PTPRD: variants seen among roughly 807,000 people sequenced by gnomAD.
PTPRD encodes receptor-type tyrosine-protein phosphatase delta.
A neutral mutation model predicts 214.5 loss-of-function variants in PTPRD; 34 were observed. That is an observed-to-expected ratio of 0.16 (90% confidence interval 0.12 to 0.21). The LOEUF (loss-of-function observed/expected upper bound fraction) is 0.21, where lower values mean the gene tolerates loss of function less well. Among genes scored for constraint, PTPRD ranks in the 10% least tolerant of loss-of-function variants. The pLI is 1.00. For synonymous variants in PTPRD, 1,128 were observed against 845.7 expected, an observed-to-expected ratio of 1.33 and a Z score of -5.79; for missense variants, 2,545 against 2,398.7, an observed-to-expected ratio of 1.06 and a Z score of -1.27.
intron 10 of PTPRD, among the ~76,000 whole-genome samples, chr9:9,079,889 G>T (rs2099756567): frequency 6.6e-6 from 1 of 152,044 alleles, no homozygotes; most frequent in Non-Finnish European, 1.5e-5. Flanking sequence ...ATACATTGGT[G>T]ATGATGTGTT....
chr9:8,728,216 C>A (rs2154429894), intron 12 of PTPRD, among the ~76,000 whole-genome samples: 1 of 152,254 alleles, frequency 6.6e-6, no homozygotes, highest in East Asian at 1.9e-4. Context: ...TGCCATTGCA[C>A]CCCAGCCTGG....
chr9:9,229,088 C>T (rs188723239), intron 9 of PTPRD, among the ~76,000 whole-genome samples: 147 of 152,136 alleles, frequency 9.7e-4, no homozygotes, highest in African/African-American at 3.3e-3. Flanking sequence ...CTTTTTGTTT[C>T]CCTGTAACAT....
intron 3 of PTPRD, among the ~76,000 whole-genome samples, chr9:10,210,626 G>C (rs2498594): frequency 0.87 from 130,608 of 150,254 alleles, 56,815 homozygotes; most frequent in Admixed American, 0.92. Flanking sequence ...ATGTTAACAT[G>C]TAATCTGTAT....
intron 5 of PTPRD, among the ~76,000 whole-genome samples, chr9:9,888,211 G>A (rs935125223): frequency 6.6e-6 from 1 of 152,160 alleles, no homozygotes; most frequent in Non-Finnish European, 1.5e-5. Flanking sequence ...ATGTTATGGA[G>A]GAATCTGTCA....
At chr9:8,585,731 G>T (rs2093601817) in intron 14 of PTPRD, among the ~76,000 whole-genome samples, 1 of 152,146 alleles carries the variant, frequency 6.6e-6, no homozygotes, top group African/African-American at 2.4e-5. Flanking sequence ...TTATTTTTCT[G>T]AGTGAAATTT....
At chr9:8,783,778 T>G (rs980014364) in intron 11 of PTPRD, among the ~76,000 whole-genome samples, 1 of 152,150 alleles carries the variant, frequency 6.6e-6, no homozygotes, top group Non-Finnish European at 1.5e-5. Flanking sequence ...TTCAACTGTA[T>G]TTTATTCCTT....
At chr9:10,598,702 GTGGTGT>G (rs1360623624) in intron 2 of PTPRD, among the ~76,000 whole-genome samples, 2 of 84,820 alleles carry the variant, frequency 2.4e-5, no homozygotes, top group Non-Finnish European at 4.9e-5. Context: ...GTGTGTGTGT[GTGGTGT>G]GTGGTGTGTG....
intron 22 of PTPRD, among the ~76,000 whole-genome samples, chr9:8,505,779 C>G (rs573930129): frequency 6.6e-6 from 1 of 152,022 alleles, no homozygotes; most frequent in Non-Finnish European, 1.5e-5. Flanking sequence ...CCTAAATAAG[C>G]AATTGTGGAG....
chr9:10,083,273 C>T (rs1245462739), intron 3 of PTPRD, among the ~76,000 whole-genome samples: 10 of 151,882 alleles, frequency 6.6e-5, no homozygotes, highest in Admixed American at 6.6e-5. Context: ...ATATTAAATT[C>T]GGTCTCCATT....
intron 12 of PTPRD, among the ~76,000 whole-genome samples, chr9:8,674,753 G>A (rs903767582): frequency 6.6e-6 from 1 of 152,010 alleles, no homozygotes; most frequent in Non-Finnish European, 1.5e-5. Flanking sequence ...ATTCAGAGAG[G>A]AAAAAAATGC....
At chr9:8,424,831 G>C (rs2094560519) in intron 35 of PTPRD, among the ~76,000 whole-genome samples, 1 of 152,136 alleles carries the variant, frequency 6.6e-6, no homozygotes, top group Non-Finnish European at 1.5e-5. Context: ...CTGCTGTTAA[G>C]GAAATTTTTT....
chr9:8,630,915 G>C (rs749924549), intron 14 of PTPRD, among the ~76,000 whole-genome samples: 1 of 151,888 alleles, frequency 6.6e-6, no homozygotes, highest in Non-Finnish European at 1.5e-5. Flanking sequence ...TCCTTTTAAG[G>C]AGTTCAAGGG....
chr9:8,662,000 T>C (rs1290034435), intron 12 of PTPRD, among the ~76,000 whole-genome samples: 2 of 152,206 alleles, frequency 1.3e-5, no homozygotes, highest in African/African-American at 2.4e-5. Context: ...CAGGCTGGTC[T>C]TAAACCTCCG....
intron 2 of PTPRD, among the ~76,000 whole-genome samples, chr9:10,567,409 C>T (rs1318994845): frequency 6.6e-6 from 1 of 152,004 alleles, no homozygotes; most frequent in Non-Finnish European, 1.5e-5. Flanking sequence ...TATAAAACTT[C>T]TATTTCCTTA....
intron 3 of PTPRD, among the ~76,000 whole-genome samples, chr9:10,060,553 T>C (rs1383553979): frequency 2.0e-5 from 3 of 151,978 alleles, no homozygotes; most frequent in African/African-American, 4.8e-5. Flanking sequence ...ATGACAGAAA[T>C]GTGTCAAAGT....
intron 10 of PTPRD, among the ~76,000 whole-genome samples, chr9:9,096,116 A>G (rs1010144906): frequency 6.6e-6 from 1 of 152,222 alleles, no homozygotes; most frequent in Non-Finnish European, 1.5e-5. Context: ...GATACAAAGT[A>G]GCAGATATGT....
At chr9:10,060,158 G>T (rs1226337724) in intron 3 of PTPRD, among the ~76,000 whole-genome samples, 2 of 151,976 alleles carry the variant, frequency 1.3e-5, no homozygotes, top group Non-Finnish European at 2.9e-5. Context: ...TCCTAAAGTG[G>T]CCTTAAACTT....
At chr9:10,462,398 T>C (rs2098965557) in intron 2 of PTPRD, among the ~76,000 whole-genome samples, 1 of 152,142 alleles carries the variant, frequency 6.6e-6, no homozygotes, top group South Asian at 2.1e-4. Context: ...TACACTTAAA[T>C]GATGGTAAAA....
At chr9:8,598,409 C>T (rs1416751053) in intron 14 of PTPRD, among the ~76,000 whole-genome samples, 2 of 151,630 alleles carry the variant, frequency 1.3e-5, no homozygotes, top group Non-Finnish European at 2.9e-5. Flanking sequence ...TGCAGTGAGC[C>T]GAGATCATGC....
Sources: gnomAD v4.1 joint callset for allele counts (sites outside exome capture counted in the v4.1 genomes callset) on GRCh38, gnomAD v4.1.1 for gene constraint, MANE v1.5 for transcripts, NCBI Gene and HGNC (gene_info 2026-07-23, HGNC 2026-07-21) for gene names.